DLGAP1: variants seen among roughly 807,000 people sequenced by gnomAD.
DLGAP1 encodes the protein DLG associated protein 1.
Under a neutral mutation model 90.8 loss-of-function variants are expected in DLGAP1, and 11 were observed. The observed-to-expected ratio is 0.12, with a 90% CI of 0.08 to 0.20. The LOEUF is 0.20. DLGAP1 is among the 10% of genes least tolerant of loss of function. DLGAP1 has a pLI of 1.00. For missense variants in DLGAP1, 1,050 were observed against 1,333.8 expected (o/e 0.79, Z 3.31); for synonymous variants, 558 against 540.7 (o/e 1.03, Z -0.44).
chr18:3,532,146 C>T (rs2052047375), intron 10 of DLGAP1, among the ~76,000 whole-genome samples: 1 of 152,056 alleles, frequency 6.6e-6, no homozygotes, highest in Non-Finnish European at 1.5e-5. Flanking sequence ...TGAGCCACCA[C>T]ACCTGGTGCT....
At position 4,342,289 on chromosome 18, in the gene DLGAP1, T is replaced by C. The variant is rs967624012; in HGVS notation, c.-267+112717A>G. On this transcript the variant is annotated intron_variant, in intron 1 of 12. Transcript: ENST00000315677. This position sits in a 1 kb window ranked among gnomAD's most constrained non-coding sequence, Gnocchi z 5.8. ...CTTGCATTTTAATGGTAGGCGAGGA[T>C]TTTTTATATTAGATGTTACTTGTAT... Among the ~76,000 whole-genome samples the C allele has an allele frequency of 1.9e-4, 28 of 149,614 alleles. No individual in the cohort carries two copies. Among genetic ancestry groups the C allele is most frequent in the African/African-American group, 7.2e-4 (28 of 39,094 alleles).
intron 2 of DLGAP1, among the ~76,000 whole-genome samples, chr18:4,074,051 A>G (rs1463282083): frequency 6.6e-6 from 1 of 152,180 alleles, no homozygotes; most frequent in African/African-American, 2.4e-5. Context: ...TTTGAAGAAA[A>G]TAAGTGAAAT....
chr18:4,218,421 C>G (rs1468715144), intron 1 of DLGAP1, among the ~76,000 whole-genome samples: 1 of 151,900 alleles, frequency 6.6e-6, no homozygotes, highest in Non-Finnish European at 1.5e-5. Flanking sequence ...TTAAATTGAG[C>G]TAATTAGAAA....
chr18:4,368,308 C>A (rs1006171004), intron 1 of DLGAP1, among the ~76,000 whole-genome samples: 2 of 152,096 alleles, frequency 1.3e-5, no homozygotes, highest in African/African-American at 4.8e-5. Context: ...CTTGGCTGGA[C>A]CACAGTAAGC....
intron 1 of DLGAP1, among the ~76,000 whole-genome samples, chr18:4,425,526 C>T (rs531279284): frequency 3.9e-5 from 6 of 152,282 alleles, no homozygotes; most frequent in Admixed American, 2.6e-4. Flanking sequence ...CCTAAAGACC[C>T]AGAGTTTAGT....
At chr18:4,385,046 T>G (rs1444033333) in intron 1 of DLGAP1, among the ~76,000 whole-genome samples, 1 of 152,028 alleles carries the variant, frequency 6.6e-6, no homozygotes, top group East Asian at 1.9e-4. Context: ...AAATAATCAC[T>G]TTAAAAAACA....
At chr18:4,389,844 A>G (rs1031127043) in intron 1 of DLGAP1, among the ~76,000 whole-genome samples, 2 of 152,220 alleles carry the variant, frequency 1.3e-5, no homozygotes, top group African/African-American at 4.8e-5. Context: ...ATGCACATCA[A>G]TTACTATAAC....
At position 4,191,099 on chromosome 18, in the gene DLGAP1, A is replaced by G. The variant is rs1442524290; in HGVS notation, c.-266-39812T>C. Among the ~76,000 whole-genome samples the G allele has an allele frequency of 1.3e-5, 2 of 152,144 alleles. 1 individual carries two copies. The highest frequency in any genetic ancestry group is 3.9e-4 in the East Asian group (2 of 5,192). On this transcript the variant is annotated intron_variant, in intron 1 of 12. Coordinates refer to ENST00000315677, the MANE Select transcript of DLGAP1 (RefSeq NM_004746.4). ...AAAAATTTTTTTCATTCATGGACGT[A>G]TACCTGAAATTGATTTTTTTCCTTT...
rs568098473 is a variant in DLGAP1, at chr18:4,285,771, A to C, written c.-266-134484T>G. On this transcript the variant is annotated intron_variant, in intron 1 of 12. Transcript: ENST00000315677. Reference sequence around the variant, plus strand: ...ACACTTAGCAGTCCATGAGTGGTTGAAACATGGCTACTGGGATTGGTCAAG... The same window carrying C: ...ACACTTAGCAGTCCATGAGTGGTTGCAACATGGCTACTGGGATTGGTCAAG... Among the ~76,000 whole-genome samples, 6 of 152,320 alleles carry C rather than the reference A, an allele frequency of 3.9e-5. No individual in the cohort carries two copies. The South Asian group carries it at 1.2e-3, about 32-fold the overall frequency.
intron 1 of DLGAP1, among the ~76,000 whole-genome samples, chr18:4,286,074 C>A (rs1353886012): frequency 6.6e-6 from 1 of 152,124 alleles, no homozygotes; most frequent in African/African-American, 2.4e-5. Context: ...CAGAACACAA[C>A]AGCTTATGTC....
At chr18:4,404,876 TAAC>T (rs888381043) in intron 1 of DLGAP1, among the ~76,000 whole-genome samples, 25 of 152,008 alleles carry the variant, frequency 1.6e-4, no homozygotes, top group Non-Finnish European at 1.0e-4. Flanking sequence ...ACAAAAATAA[TAAC>T]AACAAAAAAG....
rs867882400 is a variant in DLGAP1, at chr18:3,772,362, T to C, written c.1173-29850A>G. ...TCTCTCTCTCTCTTTCTTTCTTTCT[T>C]TCTTTCTTTCTTTCTTTCTTTCTTT... is the stretch of plus-strand genomic sequence containing the variant. On this transcript the variant is annotated intron_variant, in intron 5 of 12. Coordinates refer to ENST00000315677, the MANE Select transcript of DLGAP1 (RefSeq NM_004746.4). Among the ~76,000 whole-genome samples, 39 of 7,470 alleles carry C rather than the reference T, an allele frequency of 5.2e-3. 2 individuals are homozygous for C. The highest frequency in any genetic ancestry group is 0.05 in the Middle Eastern group (1 of 20). 4.9% of individuals were successfully genotyped at this position (7,470 alleles called of 152,430 possible). A position where few individuals can be genotyped will look rare whatever the true frequency, so the allele number is the denominator to read the frequency against.
chr18:4,172,249 T>G lies in DLGAP1; in HGVS notation c.-266-20962A>C, dbSNP rs929270989. Among the ~76,000 whole-genome samples the G allele has an allele frequency of 7.2e-5, 11 of 152,336 alleles. No individual in the cohort carries two copies. The East Asian group carries it at 2.1e-3, about 29-fold the overall frequency. ...AGAATGAACCATAAATAGAAGTTAT[T>G]GTGTTAATTTTGACAGCTGTCACTG... On this transcript the variant is annotated intron_variant, in intron 1 of 12. Transcript: ENST00000315677.
chr18:4,112,237 T>C (rs896277405), intron 2 of DLGAP1, among the ~76,000 whole-genome samples: 2 of 152,138 alleles, frequency 1.3e-5, no homozygotes, highest in African/African-American at 4.8e-5. Flanking sequence ...TCCCCATTTT[T>C]TTCTGTTGTT....
At chr18:3,741,138 T>TCACCATCACCATCACCACCACCACCAC (rs1568048779) in intron 6 of DLGAP1, among the ~76,000 whole-genome samples, 29 of 33,602 alleles carry the variant, frequency 8.6e-4, no homozygotes, top group African/African-American at 3.6e-3. Flanking sequence ...CACCACCACA[T>TCACCATCACCATCACCACCACCACCAC]CACCATCACC....
rs900544255 is a variant in DLGAP1, at chr18:4,333,713, G to A, written c.-267+121293C>T. 3.7e-4 allele frequency among the ~76,000 whole-genome samples: 55 copies of A among 148,118 alleles called. 1 individual carries two copies. Among genetic ancestry groups the A allele is most frequent in the Admixed American group, 2.7e-4 (4 of 14,874 alleles). ...CGGCTCACTGCAAACTCCACCTCCC[G>A]GGTTCACACCATTCTCCTGCCTCAG... is the stretch of plus-strand genomic sequence containing the variant. On this transcript the variant is annotated intron_variant, in intron 1 of 12. Coordinates refer to ENST00000315677, the MANE Select transcript of DLGAP1 (RefSeq NM_004746.4).
At chr18:4,424,100 G>A (rs948117511) in intron 1 of DLGAP1, among the ~76,000 whole-genome samples, 4 of 152,012 alleles carry the variant, frequency 2.6e-5, no homozygotes, top group African/African-American at 7.3e-5. Flanking sequence ...GCAGTGAGCC[G>A]AGATCATGCC....
intron 5 of DLGAP1, among the ~76,000 whole-genome samples, chr18:3,763,713 G>C (rs1035090051): frequency 6.6e-6 from 1 of 151,444 alleles, no homozygotes; most frequent in Non-Finnish European, 1.5e-5. Flanking sequence ...GCCCAGGCTG[G>C]AGTGCAATGG....
At position 3,600,757 on chromosome 18, in the gene DLGAP1, GATATATAGAT is replaced by G. The variant is rs774330690; in HGVS notation, c.1592-18519_1592-18510del. On this transcript the variant is annotated intron_variant, in intron 7 of 12. Coordinates refer to ENST00000315677, the MANE Select transcript of DLGAP1 (RefSeq NM_004746.4). Reference sequence around the variant, plus strand: ...ATATATAGATATATAGATATATATAGATATATAGATATATATAGATATATAGATATATATA... The same window carrying G: ...ATATATAGATATATAGATATATATAGATATATAGATATATAGATATATATA... Among the ~76,000 whole-genome samples, 71 of 8,716 alleles carry G rather than the reference GATATATAGAT, an allele frequency of 8.1e-3. 8 individuals carry two copies. The highest frequency in any genetic ancestry group is 0.028 in the African/African-American group (61 of 2,172). The allele number at this position is 8,716 out of a possible 152,430, so 5.7% of individuals were successfully genotyped here. A position where few individuals can be genotyped will look rare whatever the true frequency, so the allele number is the denominator to read the frequency against.
Sources: gnomAD v4.1 joint callset for allele counts (sites outside exome capture counted in the v4.1 genomes callset) on GRCh38, gnomAD v4.1.1 for gene constraint, Gnocchi (gnomAD v3.1) non-coding constraint, MANE v1.5 for transcripts, NCBI Gene and HGNC (gene_info 2026-07-23, HGNC 2026-07-21) for gene names.